Variants in TBCD observed in about 807,000 individuals in gnomAD.
TBCD encodes the protein tubulin folding cofactor D.
Under a neutral mutation model 169.3 loss-of-function variants are expected in TBCD, and 105 were observed. The ratio of observed to expected loss-of-function variants is 0.62; its 90% CI spans 0.53 to 0.73. TBCD has a LOEUF of 0.73. TBCD is among the 30% of genes least tolerant of loss of function. The pLI is 0.00. For missense variants in TBCD, 1,444 were observed against 1,600.1 expected (o/e 0.90, Z 1.66); for synonymous variants, 700 against 643.9 (o/e 1.09, Z -1.32).
chr17:82,853,603 C>T (rs2056000585), intron 13 of TBCD, among the ~76,000 whole-genome samples: 1 of 151,962 alleles, frequency 6.6e-6, no homozygotes, highest in African/African-American at 2.4e-5. Context: ...GACGGTCTCA[C>T]CATCTAGCCC....
intron 12 of TBCD, among the ~76,000 whole-genome samples, 169 bp downstream of exon 12, chr17:82,809,951 A>G (rs1474050005): frequency 1.3e-5 from 2 of 152,106 alleles, no homozygotes; most frequent in Non-Finnish European, 2.9e-5. Context: ...TATTTCTGGT[A>G]TGTTGCTTTT....
At chr17:82,758,447 GC>G (rs2047560485) in intron 2 of TBCD, among the ~76,000 whole-genome samples, 1 of 136,318 alleles carries the variant, frequency 7.3e-6, no homozygotes, top group African/African-American at 2.7e-5. Flanking sequence ...AAGGGGTCTT[GC>G]CGTGTTGCCC....
In TBCD at chr17:82,880,847, C is replaced by T. The variant is rs114001811; in HGVS notation, c.1476-3298C>T. On this transcript the variant is annotated intron_variant, in intron 14 of 38. Coordinates refer to ENST00000355528, the MANE Select transcript of TBCD (RefSeq NM_005993.5). The surrounding 1 kb of genome is among the most constrained non-coding windows in gnomAD (Gnocchi z 5.0). ...GTTGCCGTCTCCCCAGGGTGCAGAGCGTGGTGGTTTGTGGCCATCCTTGCA... is the reference window on the plus strand; with the variant it reads ...GTTGCCGTCTCCCCAGGGTGCAGAGTGTGGTGGTTTGTGGCCATCCTTGCA... Among the ~76,000 whole-genome samples the T allele has an allele frequency of 0.031, 4,672 of 152,230 alleles. 113 individuals are homozygous for T. Among genetic ancestry groups the T allele is most frequent in the African/African-American group, 0.061 (2,544 of 41,532 alleles).
intron 38 of TBCD, 112 bp downstream of exon 38, chr17:82,941,595 CCTCGT>C: frequency 1.1e-6 from 1 of 938,220 alleles, no homozygotes. Context: ...CGGCCCGTTC[CCTCGT>C]CTCATGTCAG....
intron 7 of TBCD, among the ~76,000 whole-genome samples, chr17:82,788,454 A>G (rs1429413977): frequency 1.3e-5 from 2 of 152,058 alleles, no homozygotes; most frequent in African/African-American, 2.4e-5. Flanking sequence ...GAAAGTGGTA[A>G]TAGGATGCTC....
intron 6 of TBCD, among the ~76,000 whole-genome samples, chr17:82,777,940 G>A (rs889252071): frequency 2.6e-5 from 4 of 152,194 alleles, no homozygotes; most frequent in African/African-American, 4.8e-5. Flanking sequence ...GTCAACAGGC[G>A]TCTTCCCAGA....
rs907901548 is a variant in TBCD at position 82,833,714 on chromosome 17, C to T, written c.1318+18780C>T. Among the ~76,000 whole-genome samples, 29 of 152,150 alleles carry T rather than the reference C, an allele frequency of 1.9e-4. No homozygotes were observed. Among genetic ancestry groups the T allele is most frequent in the African/African-American group, 5.8e-4 (24 of 41,428 alleles). ...AGGAGACCAGAGTGAGTAGTATCCG[C>T]TTTAGAGATGGTTGGGTCATGGGAG... On this transcript the variant is annotated intron_variant, in intron 13 of 38. Coordinates refer to ENST00000355528, the MANE Select transcript of TBCD (RefSeq NM_005993.5). This position sits in a 1 kb window ranked among gnomAD's most constrained non-coding sequence, Gnocchi z 4.7.
intron 23 of TBCD, among the ~76,000 whole-genome samples, chr17:82,914,519 G>A (rs1034313510): frequency 4.6e-5 from 7 of 152,234 alleles, no homozygotes; most frequent in East Asian, 1.9e-4. Flanking sequence ...GGAGTGCGGT[G>A]TTTGCACTCC....
chr17:82,888,272 A>G (rs2058891368), intron 15 of TBCD, among the ~76,000 whole-genome samples: 1 of 152,208 alleles, frequency 6.6e-6, no homozygotes, highest in Non-Finnish European at 1.5e-5. Context: ...CTGTGCTGCG[A>G]TGCTGCTGTG....
At chr17:82,941,135 C>G (rs1281298103) in intron 37 of TBCD, among the ~76,000 whole-genome samples, 1 of 152,252 alleles carries the variant, frequency 6.6e-6, no homozygotes, top group Non-Finnish European at 1.5e-5. Flanking sequence ...CCCGCAGTCC[C>G]TGCGCTGGGC....
At chr17:82,752,472 C>G in intron 1 of TBCD, 95 bp downstream of exon 1, 1 of 1,029,144 alleles carries the variant, frequency 9.7e-7, no homozygotes, top group Non-Finnish European at 1.2e-6. Flanking sequence ...CCCGGCGGCG[C>G]CGGCCGCTCT....
At chr17:82,866,036 A>G (rs1000136288) in intron 13 of TBCD, among the ~76,000 whole-genome samples, 1 of 152,210 alleles carries the variant, frequency 6.6e-6, no homozygotes, top group Admixed American at 6.5e-5. Context: ...GTTCAGAGCT[A>G]TTGGATAGTT....
intron 1 of TBCD, 119 bp downstream of exon 1, chr17:82,752,496 G>A: frequency 3.6e-6 from 3 of 837,668 alleles, no homozygotes; most frequent in Non-Finnish European, 4.5e-6. Context: ...AGGGCTGCCG[G>A]TGCGCGGTCC....
intron 6 of TBCD, among the ~76,000 whole-genome samples, chr17:82,780,362 G>T (rs1285573886): frequency 6.6e-6 from 1 of 152,160 alleles, no homozygotes; most frequent in African/African-American, 2.4e-5. Context: ...GTCAGCTGTG[G>T]GAGGGAAGGG....
chr17:82,867,493 G>T (rs2057256476), intron 13 of TBCD, among the ~76,000 whole-genome samples: 1 of 152,226 alleles, frequency 6.6e-6, no homozygotes, highest in African/African-American at 2.4e-5. Flanking sequence ...CCTCTTGAAG[G>T]TGCCACAGCC....
intron 13 of TBCD, among the ~76,000 whole-genome samples, chr17:82,852,187 C>T (rs1269983159): frequency 7.1e-6 from 1 of 140,066 alleles, no homozygotes; most frequent in Non-Finnish European, 1.5e-5. Context: ...CAGATGGGTT[C>T]TCTGTGTCTA....
At position 82,930,963 on chromosome 17, in the gene TBCD, C is replaced by G. The variant is rs1476835805; in HGVS notation, c.3113+320C>G. Reference sequence around the variant, plus strand: ...GTAGGAAGGCGTTGTGGGAGCTCCTCCAGCTTGGTGCTCCCACGGACGTGC... The same window carrying G: ...GTAGGAAGGCGTTGTGGGAGCTCCTGCAGCTTGGTGCTCCCACGGACGTGC... On this transcript the variant is annotated intron_variant, in intron 33 of 38. Coordinates refer to ENST00000355528, the MANE Select transcript of TBCD (RefSeq NM_005993.5). The surrounding 1 kb of genome is among the most constrained non-coding windows in gnomAD (Gnocchi z 5.2). Among the ~76,000 whole-genome samples, 1 of 152,232 alleles carries G rather than the reference C, an allele frequency of 6.6e-6. No homozygotes were observed. The highest frequency in any genetic ancestry group is 1.5e-5 in the Non-Finnish European group (1 of 68,040).
intron 5 of TBCD, among the ~76,000 whole-genome samples, chr17:82,772,155 C>G (rs763814146): frequency 2.1e-4 from 32 of 152,272 alleles, no homozygotes; most frequent in Middle Eastern, 3.4e-3. Flanking sequence ...AATTGGGTAA[C>G]TCCTTTGTTT....
At chr17:82,756,116 G>A (rs189532244) in intron 1 of TBCD, 49 bp from the exon 2 acceptor site, 10 of 1,515,676 alleles carry the variant, frequency 6.6e-6, no homozygotes, top group Non-Finnish European at 9.0e-6. Context: ...AGGCTCATGG[G>A]TATGTTTGGC....
Sources: gnomAD v4.1 joint callset for allele counts (sites outside exome capture counted in the v4.1 genomes callset) on GRCh38, gnomAD v4.1.1 for gene constraint, Gnocchi (gnomAD v3.1) non-coding constraint, MANE v1.5 for transcripts, NCBI Gene and HGNC (gene_info 2026-07-23, HGNC 2026-07-21) for gene names.